The following DNAH11 variants were observed in gnomAD, a reference collection of about 807,000 sequenced individuals.
DNAH11 encodes the protein dynein axonemal heavy chain 11.
A neutral mutation model predicts 526.0 loss-of-function variants in DNAH11; 442 were observed. The ratio of observed to expected loss-of-function variants is 0.84; its 90% CI spans 0.78 to 0.91. The LOEUF is 0.91. DNAH11 is among the 40% of genes least tolerant of loss of function. The pLI is 0.00. For missense variants in DNAH11, 6,989 were observed against 5,448.7 expected (o/e 1.28, Z -8.90); for synonymous variants, 2,461 against 1,935.9 (o/e 1.27, Z -7.12).
chr7:21,742,306 G>A, intron 49 of DNAH11, 140 bp downstream of exon 49: 1 of 1,059,092 alleles, frequency 9.4e-7, no homozygotes, highest in Middle Eastern at 2.7e-4. Context: ...TTGGCTTATG[G>A]TTCTGCAGGC....
chr7:21,676,293 A>G (rs941215528), intron 30 of DNAH11, among the ~76,000 whole-genome samples: 3 of 152,212 alleles, frequency 2.0e-5, no homozygotes, highest in Non-Finnish European at 4.4e-5. Context: ...GTAGAAAATC[A>G]TGTAACACTG....
At chr7:21,651,983 A>G (rs141655148) in intron 28 of DNAH11, among the ~76,000 whole-genome samples, 1,560 of 152,374 alleles carry the variant, frequency 0.01, 25 homozygotes, top group African/African-American at 0.036. Flanking sequence ...ATGAACCTAC[A>G]TGACATTTTT....
chr7:21,876,813 A>G (rs1783731967), intron 74 of DNAH11, among the ~76,000 whole-genome samples: 2 of 152,276 alleles, frequency 1.3e-5, no homozygotes, highest in Admixed American at 6.5e-5. Context: ...CCTACAAGTT[A>G]ACAAACAGAA....
chr7:21,794,920 G>C (rs186482297), intron 61 of DNAH11, among the ~76,000 whole-genome samples: 4 of 152,146 alleles, frequency 2.6e-5, no homozygotes, highest in Admixed American at 6.5e-5. Flanking sequence ...TGCAGTACCT[G>C]AGTAGATTTT....
intron 57 of DNAH11, among the ~76,000 whole-genome samples, chr7:21,781,853 C>A (rs1787953066): frequency 6.6e-6 from 1 of 152,194 alleles, no homozygotes; most frequent in South Asian, 2.1e-4. Flanking sequence ...AAAGTATTGG[C>A]AAGTTTGGTT....
chr7:21,787,266 C>A, intron 59 of DNAH11, 135 bp from the exon 60 acceptor site: 2 of 772,784 alleles, frequency 2.6e-6, no homozygotes, highest in Non-Finnish European at 4.0e-6. Context: ...CTGAAAAAGT[C>A]AAACAGTAGG....
chr7:21,688,774 C>A (rs189781525), intron 34 of DNAH11, among the ~76,000 whole-genome samples: 1 of 152,274 alleles, frequency 6.6e-6, no homozygotes, highest in East Asian at 1.9e-4. Context: ...CAACACAATG[C>A]CACATTCCAA....
At chr7:21,729,766 A>G (rs1785293975) in intron 45 of DNAH11, among the ~76,000 whole-genome samples, 1 of 152,108 alleles carries the variant, frequency 6.6e-6, no homozygotes, top group African/African-American at 2.4e-5. Flanking sequence ...CCATATTTCC[A>G]CCAACAGTCT....
intron 62 of DNAH11, among the ~76,000 whole-genome samples, chr7:21,802,723 A>T (rs1002346692): frequency 2.0e-5 from 3 of 152,006 alleles, no homozygotes; most frequent in Admixed American, 6.5e-5. Flanking sequence ...GCCACATATC[A>T]CATGGTATGT....
rs1219589331 is a variant in DNAH11 at position 21,591,520 on chromosome 7, T to C, written c.2610T>C (p.Phe870=). 2 of 1,595,978 alleles carry C rather than the reference T, an allele frequency of 1.3e-6. No individual in the cohort carries two copies. Among genetic ancestry groups the C allele is most frequent in the Non-Finnish European group, 1.7e-6 (2 of 1,167,884 alleles). Residue 870 remains phenylalanine (F), a synonymous_variant, in exon 14 of 82, where the codon TTT becomes TTC. Coordinates refer to ENST00000409508, the MANE Select transcript of DNAH11 (RefSeq NM_001277115.2). Reference sequence around the variant, plus strand: ...CCTTGGAGGACAAGGGTGATTTGTTTACAAAAAAATACAAGTTAATCCAAG... The same window carrying C: ...CCTTGGAGGACAAGGGTGATTTGTTCACAAAAAAATACAAGTTAATCCAAG... The part of the protein sequence containing the change: ...AFTLEDKGDL[F]TKKYKLIQGD...
intron 46 of DNAH11, among the ~76,000 whole-genome samples, chr7:21,738,351 A>G (rs1785708751): frequency 6.6e-6 from 1 of 152,216 alleles, no homozygotes; most frequent in African/African-American, 2.4e-5. Flanking sequence ...AGACCAGGCC[A>G]TAGCTGGACT....
At chr7:21,867,587 C>T (rs980601434) in intron 71 of DNAH11, among the ~76,000 whole-genome samples, 5 of 152,078 alleles carry the variant, frequency 3.3e-5, no homozygotes, top group African/African-American at 7.2e-5. Flanking sequence ...AAAGCCATAG[C>T]AGACAGCTGA....
At position 21,591,463 on chromosome 7, in the gene DNAH11, C is replaced by T; in HGVS notation, c.2553C>T (p.Pro851=). The part of the protein sequence containing the change: ...MRGWARCVLP[P]RREHRREAAF... ...GCTGGGCCAGGTGCGTGCTACCTCC[C>T]AGGAGAGAGCACAGACGAGAGGCAG... Residue 851 remains proline (P), a synonymous_variant, in exon 14 of 82, where the codon CCC becomes CCT. Coordinates refer to ENST00000409508, the MANE Select transcript of DNAH11 (RefSeq NM_001277115.2). 1.2e-6 allele frequency: 2 copies of T among 1,613,888 alleles called. No homozygotes were observed. The highest frequency in any genetic ancestry group is 1.1e-5 in the South Asian group (1 of 91,070).
At position 21,880,753 on chromosome 7, in the gene DNAH11, T is replaced by C. The variant is rs1783890562; in HGVS notation, c.12247T>C (p.Ser4083Pro). Residue 4083 changes from serine (S) to proline (P), a missense_variant, in exon 75 of 82, where the codon TCT becomes CCT. Ser to Pro is a moderately conservative substitution (Grantham distance 74). Transcript: ENST00000409508. ...KEQEFKSILF[S>P]LCYFHACVAG... ...GCAGGAGTTTAAAAGCATCCTTTTT[T>C]CTCTCTGCTACTTCCACGCCTGTGT... 6.2e-7 allele frequency: 1 copy of C among 1,614,018 alleles called. No homozygotes were observed. Among genetic ancestry groups the C allele is most frequent in the Non-Finnish European group, 8.5e-7 (1 of 1,179,900 alleles).
At chr7:21,783,995 T>C (rs1788068058) in intron 57 of DNAH11, among the ~76,000 whole-genome samples, 2 of 152,228 alleles carry the variant, frequency 1.3e-5, no homozygotes, top group Admixed American at 1.3e-4. Context: ...CCAACATGGC[T>C]TCTAAGCAAA....
intron 64 of DNAH11, 87 bp from the exon 65 acceptor site, chr7:21,818,130 C>A: frequency 7.5e-7 from 1 of 1,332,864 alleles, no homozygotes; most frequent in Non-Finnish European, 1.0e-6. Flanking sequence ...AGAATATCTA[C>A]ATTAAATATA....
At chr7:21,889,309 G>C (rs1015012275) in intron 76 of DNAH11, among the ~76,000 whole-genome samples, 45 of 152,280 alleles carry the variant, frequency 3.0e-4, no homozygotes, top group African/African-American at 1.1e-3. Context: ...GTGGACATTT[G>C]GGTTGTTTCT....
At chr7:21,555,382 G>A (rs905982843) in intron 2 of DNAH11, among the ~76,000 whole-genome samples, 1 of 152,116 alleles carries the variant, frequency 6.6e-6, no homozygotes, top group African/African-American at 2.4e-5. Flanking sequence ...AGTCTCTTTG[G>A]CTCCCTCTTT....
chr7:21,581,810 C>T (rs932140254), intron 8 of DNAH11, 95 bp from the exon 9 acceptor site: 27 of 742,226 alleles, frequency 3.6e-5, no homozygotes, highest in African/African-American at 8.8e-5. Context: ...AGAGAGCGAG[C>T]GAGAGAGAGC....
Sources: gnomAD v4.1 joint callset for allele counts (sites outside exome capture counted in the v4.1 genomes callset) on GRCh38, gnomAD v4.1.1 for gene constraint, MANE v1.5 for transcripts, NCBI Gene and HGNC (gene_info 2026-07-23, HGNC 2026-07-21) for gene names.